Variants in GABRG1 observed in about 807,000 individuals in gnomAD.
GABRG1 encodes gamma-aminobutyric acid type A receptor subunit gamma1, also known as gamma-aminobutyric acid receptor subunit gamma-1.
GABRG1 carries 49 observed loss-of-function variants against 49.8 expected under a neutral mutation model. That is an observed-to-expected ratio of 0.98 (90% CI 0.78 to 1.25). GABRG1 has a LOEUF of 1.25. Ranked by LOEUF, GABRG1 falls within the 50% of genes most tolerant of loss-of-function variation. The pLI is 0.00. For synonymous variants in GABRG1, 232 were observed against 185.1 expected (o/e 1.25, Z -2.06); for missense variants, 552 against 552.3 (o/e 1.00, Z 0.01).
intron 7 of GABRG1, among the ~76,000 whole-genome samples, chr4:46,053,577 C>T (rs181339721): frequency 7.1e-4 from 108 of 152,050 alleles, no homozygotes; most frequent in African/African-American, 2.6e-3. Context: ...ATCTCCCACA[C>T]AAGCTTATTA....
chr4:46,078,361 T>A (rs928510826), intron 3 of GABRG1, among the ~76,000 whole-genome samples: 1 of 151,998 alleles, frequency 6.6e-6, no homozygotes, highest in Admixed American at 6.6e-5. Context: ...ATTGCCTCTT[T>A]CCAGTTAATA....
chr4:46,085,017 A>G (rs1169816031), intron 2 of GABRG1, among the ~76,000 whole-genome samples: 1 of 151,634 alleles, frequency 6.6e-6, no homozygotes, highest in Non-Finnish European at 1.5e-5. Context: ...TCCATCTGTA[A>G]GTACATTTAT....
intron 7 of GABRG1, among the ~76,000 whole-genome samples, chr4:46,057,835 A>C (rs1336674819): frequency 6.6e-6 from 1 of 152,108 alleles, no homozygotes; most frequent in African/African-American, 2.4e-5. Flanking sequence ...TCAGTAAATA[A>C]ACAGTGGTTA....
intron 7 of GABRG1, among the ~76,000 whole-genome samples, chr4:46,056,151 TAAAA>T (rs1182116080): frequency 2.2e-4 from 2 of 9,146 alleles, no homozygotes; most frequent in Non-Finnish European, 1.6e-4. Flanking sequence ...ATAAATAAAT[TAAAA>T]AAAAAAAAAA....
Position 46,097,235 on chromosome 4 carries a change from T to C in GABRG1, c.219A>G (p.Gln73=). The C allele has an allele frequency of 6.2e-7, 1 of 1,610,472 alleles. No individual in the cohort carries two copies. The highest frequency in any genetic ancestry group is 1.1e-5 in the South Asian group (1 of 90,854). Residue 73 remains glutamine (Q), a synonymous_variant, in exon 2 of 9, where the codon CAA becomes CAG. Coordinates refer to ENST00000295452, the MANE Select transcript of GABRG1 (RefSeq NM_173536.4). The part of the protein sequence containing the change: ...DITQILNSLL[Q]GYDNKLRPDI... The stretch of plus-strand genomic sequence containing the variant: ...CTGGACGAAGTTTATTGTCATAGCC[T>C]TGAAGCAATGAATTCAGAATTTGTG...
intron 1 of GABRG1, among the ~76,000 whole-genome samples, chr4:46,121,247 C>T (rs1162103397): frequency 1.3e-5 from 2 of 151,574 alleles, no homozygotes; most frequent in African/African-American, 4.8e-5. Context: ...CACTAAAATG[C>T]TTACAAATGA....
chr4:46,106,302 C>A (rs1328144453), intron 1 of GABRG1, among the ~76,000 whole-genome samples: 9 of 151,392 alleles, frequency 5.9e-5, no homozygotes, highest in Non-Finnish European at 1.5e-5. Context: ...CCATCCCCAG[C>A]TTTCCTGATG....
At position 46,088,815 on chromosome 4, in the gene GABRG1, T is replaced by TGTGTGTGTGTG. The variant is rs35197192; in HGVS notation, c.254-4763_254-4762insCACACACACAC. Among the ~76,000 whole-genome samples, 169 of 131,678 alleles carry TGTGTGTGTGTG rather than the reference T, an allele frequency of 1.3e-3. 1 individual carries two copies. The highest frequency in any genetic ancestry group is 3.8e-3 in the African/African-American group (132 of 34,662). The allele number at this position is 131,678 out of a possible 152,430, so 86.4% of individuals were successfully genotyped here. ...CATGTGTGTGTGTGTTTGTGTGTGT[T>TGTGTGTGTGTG]TGTGTGTGTGTGTGTGTGTGTGTGT... is the stretch of plus-strand genomic sequence containing the variant. On this transcript the variant is annotated intron_variant, in intron 2 of 8. Transcript: ENST00000295452.
intron 2 of GABRG1, among the ~76,000 whole-genome samples, chr4:46,092,484 A>T (rs1285868553): frequency 6.6e-6 from 1 of 152,072 alleles, no homozygotes; most frequent in Admixed American, 6.6e-5. Context: ...ATAAAACTGC[A>T]AATATTTAAT....
chr4:46,100,742 TTA>T (rs1309288919), intron 1 of GABRG1, among the ~76,000 whole-genome samples: 80 of 149,352 alleles, frequency 5.4e-4, no homozygotes, highest in African/African-American at 1.9e-3. Context: ...GTTTTTTTTT[TTA>T]TGGTGGCAAT....
rs546068116 is a variant in GABRG1, at chr4:46,103,112, C to A, written c.105-5763G>T. 5.9e-5 allele frequency among the ~76,000 whole-genome samples: 9 copies of A among 151,584 alleles called. No homozygotes were observed. The East Asian group carries it at 1.6e-3, about 26-fold the overall frequency. ...TTCATATAAAGGTTATTGCAAATTT[C>A]CTGGTTCTGACACGGGAGGGAGCTT... On this transcript the variant is annotated intron_variant, in intron 1 of 8. Coordinates refer to ENST00000295452, the MANE Select transcript of GABRG1 (RefSeq NM_173536.4).
rs1452010902 is a variant in GABRG1, at chr4:46,040,805, C to A, written c.*183G>T. ...TGGATTTTGCAACTAATCAGTTTCA[C>A]GTAAATTAGCCTGAAAGCTGCTACT... On this transcript the variant is annotated 3_prime_UTR_variant, in exon 9 of 9. Coordinates refer to ENST00000295452, the MANE Select transcript of GABRG1 (RefSeq NM_173536.4). The A allele has an allele frequency of 1.9e-6, 1 of 525,076 alleles. No homozygotes were observed. Among genetic ancestry groups the A allele is most frequent in the South Asian group, 3.9e-5 (1 of 25,922 alleles). 32.5% of individuals were successfully genotyped at this position (525,076 alleles called of 1,614,324 possible). A position where few individuals can be genotyped will look rare whatever the true frequency, so the allele number is the denominator to read the frequency against.
intron 1 of GABRG1, among the ~76,000 whole-genome samples, chr4:46,121,156 TA>T (rs1721079936): frequency 6.6e-6 from 1 of 151,936 alleles, no homozygotes; most frequent in Admixed American, 6.6e-5. Flanking sequence ...TACAACTGAT[TA>T]AATACAAAAA....
At chr4:46,056,123 G>GAAAA (rs1718417136) in intron 7 of GABRG1, among the ~76,000 whole-genome samples, 1 of 4,268 alleles carries the variant, frequency 2.3e-4, no homozygotes, top group Non-Finnish European at 4.4e-4. Flanking sequence ...AAAAAAGAAA[G>GAAAA]GAAAAAAAAA....
Position 46,105,101 on chromosome 4 carries a change from C to T in GABRG1, c.105-7752G>A, listed in dbSNP as rs530485058. Among the ~76,000 whole-genome samples, 12 of 151,352 alleles carry T rather than the reference C, an allele frequency of 7.9e-5. No individual in the cohort carries two copies. The South Asian group carries it at 2.5e-3, about 31-fold the overall frequency. On this transcript the variant is annotated intron_variant, in intron 1 of 8. Transcript: ENST00000295452. ...GCAAGGAGATAGAAAACCAGATTCC[C>T]AAACTCCATTTTTTATAAGCAAGGA...
chr4:46,122,795 C>A (rs1721127160), intron 1 of GABRG1, among the ~76,000 whole-genome samples: 1 of 151,870 alleles, frequency 6.6e-6, no homozygotes, highest in South Asian at 2.1e-4. Flanking sequence ...CTTTTGAATT[C>A]TATACAGAGT....
At chr4:46,102,411 C>G (rs961716557) in intron 1 of GABRG1, among the ~76,000 whole-genome samples, 2 of 151,684 alleles carry the variant, frequency 1.3e-5, no homozygotes, top group Admixed American at 6.6e-5. Context: ...CTGGCCAAAA[C>G]TTTCTTAGAA....
chr4:46,075,872 T>C (rs1432278244), intron 3 of GABRG1, among the ~76,000 whole-genome samples: 2 of 151,990 alleles, frequency 1.3e-5, no homozygotes, highest in African/African-American at 4.8e-5. Context: ...TAAATACAAA[T>C]ATTTCCATTT....
intron 8 of GABRG1, among the ~76,000 whole-genome samples, chr4:46,042,657 A>G (rs1293970456): frequency 6.6e-6 from 1 of 152,046 alleles, no homozygotes; most frequent in African/African-American, 2.4e-5. Context: ...AATTTCTTAC[A>G]ACTTTAACTA....
Sources: gnomAD v4.1 joint callset for allele counts (sites outside exome capture counted in the v4.1 genomes callset) on GRCh38, gnomAD v4.1.1 for gene constraint, MANE v1.5 for transcripts, NCBI Gene and HGNC (gene_info 2026-07-23, HGNC 2026-07-21) for gene names.